SPATA2: variants seen among roughly 807,000 people sequenced by gnomAD.
The protein encoded by SPATA2 is spermatogenesis associated 2.
Under a neutral mutation model 35.4 loss-of-function variants are expected in SPATA2, and 8 were observed. The ratio of observed to expected loss-of-function variants is 0.23; its 90% CI spans 0.13 to 0.41. The LOEUF is 0.41. Among genes scored for constraint, SPATA2 ranks in the 10% least tolerant of loss-of-function variants. The probability of loss-of-function intolerance (pLI) is 1.00; values close to 1 mark genes in which losing one functional copy is unlikely to be tolerated. For synonymous variants in SPATA2, 293 were observed against 300.9 expected (o/e 0.97, Z 0.27); for missense variants, 650 against 698.7 (o/e 0.93, Z 0.79).
chr20:49,914,078 A>G (rs1230768707), intron 1 of SPATA2, among the ~76,000 whole-genome samples: 1 of 151,956 alleles, frequency 6.6e-6, no homozygotes, highest in African/African-American at 2.4e-5. Flanking sequence ...AGCACTGTGA[A>G]TATCCTGAAC....
chr20:49,905,753 T>C lies in SPATA2; in HGVS notation c.1429A>G (p.Lys477Glu). 5 of 1,614,248 alleles carry C rather than the reference T, an allele frequency of 3.1e-6. No homozygotes were observed. The highest frequency in any genetic ancestry group is 1.3e-5 in the African/African-American group (1 of 75,064). The change falls in exon 3 of 3, where the codon AAA becomes GAA. Residue 477 changes from lysine (K) to glutamate (E), a missense_variant. By Grantham distance (56) the Lys-to-Glu change is moderately conservative (BLOSUM62 1). Coordinates refer to ENST00000289431, the MANE Select transcript of SPATA2 (RefSeq NM_006038.4). ...GATNTCTQCS[K>E]VSCDACLSAY... is the part of the protein sequence containing the mutation. The stretch of plus-strand genomic sequence containing the variant: ...CTGAGGCAGGCGTCACATGAGACTT[T>C]TGAACACTGGGTGCAGGTGTTGGTG...
At position 49,906,610 on chromosome 20, in the gene SPATA2, A is replaced by T. The variant is rs760889235; in HGVS notation, c.572T>A (p.Leu191Gln). ...SQVKDKGYSE[L>Q]DIVSERKSSA... ...GCTCTTGCGCTCGCTCACAATGTCC[A>T]GCTCGGAGTAGCCCTTGTCCTTCAC... is the stretch of plus-strand genomic sequence containing the variant. Residue 191 changes from leucine (L) to glutamine (Q), a missense_variant, in exon 3 of 3, where the codon CTG becomes CAG. By Grantham distance (113) the Leu-to-Gln change is moderately radical. Coordinates refer to ENST00000289431, the MANE Select transcript of SPATA2 (RefSeq NM_006038.4). The surrounding 1 kb of genome is among the most constrained non-coding windows in gnomAD (Gnocchi z 8.2). 1.2e-6 allele frequency: 2 copies of T among 1,614,228 alleles called. No homozygotes were observed. The highest frequency in any genetic ancestry group is 1.7e-6 in the Non-Finnish European group (2 of 1,180,036).
rs1483886258 is a variant in SPATA2 at position 49,906,953 on chromosome 20, G to A, written c.337-108C>T. On this transcript the variant is annotated intron_variant, in intron 2 of 2. Coordinates refer to ENST00000289431, the MANE Select transcript of SPATA2 (RefSeq NM_006038.4). This position sits in a 1 kb window ranked among gnomAD's most constrained non-coding sequence, Gnocchi z 8.2. ...CAGCTCTGAAGTGGGGCGGCGGGGA[G>A]AGGGCAGGGCAGGGAAGGATCTCGA... is the stretch of plus-strand genomic sequence containing the variant. The A allele has an allele frequency of 9.4e-6, 12 of 1,270,192 alleles. No individual in the cohort carries two copies. The highest frequency in any genetic ancestry group is 7.6e-6 in the Non-Finnish European group (7 of 924,336). 78.7% of individuals were successfully genotyped at this position (1,270,192 alleles called of 1,614,324 possible). A position where few individuals can be genotyped will look rare whatever the true frequency, so the allele number is the denominator to read the frequency against.
chr20:49,912,401 G>A (rs1487278429), intron 1 of SPATA2, among the ~76,000 whole-genome samples: 1 of 152,200 alleles, frequency 6.6e-6, no homozygotes, highest in Admixed American at 6.5e-5. Context: ...AGCTGAGATC[G>A]TGCCATTGCA....
At position 49,904,580 on chromosome 20, in the gene SPATA2, C is replaced by T. The variant is rs1311390780; in HGVS notation, c.*1039G>A. 6.6e-6 allele frequency: 1 copy of T among 152,634 alleles called. No homozygotes were observed. The highest frequency in any genetic ancestry group is 1.5e-5 in the Non-Finnish European group (1 of 68,066). 9.5% of individuals were successfully genotyped at this position (152,634 alleles called of 1,614,324 possible). On this transcript the variant is annotated 3_prime_UTR_variant, in exon 3 of 3. Transcript: ENST00000289431. ...ACAGACCTCGACACCCGCGCTCACC[C>T]CCTAAGTGCACACTGGAGGTAGGTG... is the stretch of plus-strand genomic sequence containing the variant.
chr20:49,914,920 T>C (rs1248306392), intron 1 of SPATA2, among the ~76,000 whole-genome samples: 1 of 152,148 alleles, frequency 6.6e-6, no homozygotes, highest in Non-Finnish European at 1.5e-5. Flanking sequence ...CCCTGCATGA[T>C]CTCATTCCAT....
At position 49,905,237 on chromosome 20, in the gene SPATA2, A is replaced by G; in HGVS notation, c.*382T>C. ...GACCTGAAGGGCCCTTCCCAGTCCA[A>G]GTTGGCTTTGCAATGGGAGGGGTAG... On this transcript the variant is annotated 3_prime_UTR_variant, in exon 3 of 3. Coordinates refer to ENST00000289431, the MANE Select transcript of SPATA2 (RefSeq NM_006038.4). 5.1e-6 allele frequency: 1 copy of G among 195,572 alleles called. No homozygotes were observed. Among genetic ancestry groups the G allele is most frequent in the Non-Finnish European group, 1.1e-5 (1 of 93,838 alleles). 12.1% of individuals were successfully genotyped at this position (195,572 alleles called of 1,614,324 possible).
rs764857533 is a variant in SPATA2, at chr20:49,906,368, A to G, written c.814T>C (p.Leu272=). 3.7e-6 allele frequency: 6 copies of G among 1,613,908 alleles called. No individual in the cohort carries two copies. Among genetic ancestry groups the G allele is most frequent in the Non-Finnish European group, 4.2e-6 (5 of 1,179,950 alleles). The change falls in exon 3 of 3, where the codon TTG becomes CTG. Residue 272 remains leucine (L), a synonymous_variant. Transcript: ENST00000289431. This position sits in a 1 kb window ranked among gnomAD's most constrained non-coding sequence, Gnocchi z 8.2. The part of the protein sequence containing the change: ...ESRKPPLKAS[L]SLRKEPVATD... ...GCCACAGGCTCCTTCCGAAGACTCA[A>G]TGAGGCCTTCAGGGGTGGCTTCCGG...
At chr20:49,914,045 A>C (rs1002402397) in intron 1 of SPATA2, among the ~76,000 whole-genome samples, 1 of 151,896 alleles carries the variant, frequency 6.6e-6, no homozygotes, top group Non-Finnish European at 1.5e-5. Context: ...AAAAAAAAAA[A>C]AAAACCCAAA....
chr20:49,906,232 G>T lies in SPATA2; in HGVS notation c.950C>A (p.Pro317His). ...GSPDVLPPAS[P>H]SNGPALLRGT... Reference sequence around the variant, plus strand: ...GCGCAGCAGGGCCGGGCCGTTGCTGGGGGAGGCGGGTGGAAGCACATCCGG... The same window carrying T: ...GCGCAGCAGGGCCGGGCCGTTGCTGTGGGAGGCGGGTGGAAGCACATCCGG... Residue 317 changes from proline (P) to histidine (H), a missense_variant, in exon 3 of 3, where the codon CCC (proline) becomes CAC (histidine). Pro to His is a moderately conservative substitution (Grantham distance 77, BLOSUM62 -2). Transcript: ENST00000289431. The surrounding 1 kb of genome is among the most constrained non-coding windows in gnomAD (Gnocchi z 8.2). 5 of 1,568,616 alleles carry T rather than the reference G, an allele frequency of 3.2e-6. No homozygotes were observed. Among genetic ancestry groups the T allele is most frequent in the Non-Finnish European group, 4.3e-6 (5 of 1,155,758 alleles).
chr20:49,912,050 G>C (rs1490675499), intron 1 of SPATA2, among the ~76,000 whole-genome samples: 1 of 152,218 alleles, frequency 6.6e-6, no homozygotes, highest in Non-Finnish European at 1.5e-5. Context: ...CCTGCCTGCA[G>C]CTCTAGCTGG....
rs2090123977 is a variant in SPATA2 at position 49,903,930 on chromosome 20, T to TAG, written c.*1688_*1689insCT. 7.7e-6 allele frequency: 1 copy of TAG among 130,002 alleles called. No individual in the cohort carries two copies. Among genetic ancestry groups the TAG allele is most frequent in the Non-Finnish European group, 1.6e-5 (1 of 61,108 alleles). 8.1% of individuals were successfully genotyped at this position (130,002 alleles called of 1,614,324 possible). ...ATATATATATATATATATATATATA[T>TAG]ATATATATATATATATATATATTAA... On this transcript the variant is annotated 3_prime_UTR_variant, in exon 3 of 3. Transcript: ENST00000289431.
intron 1 of SPATA2, among the ~76,000 whole-genome samples, chr20:49,914,035 A>G (rs1367797329): frequency 1.3e-5 from 2 of 150,436 alleles, no homozygotes; most frequent in South Asian, 2.1e-4. Context: ...TGGTGGAAAA[A>G]AAAAAAAAAA....
At chr20:49,910,343 T>C (rs2090176021) in intron 1 of SPATA2, among the ~76,000 whole-genome samples, 1 of 152,172 alleles carries the variant, frequency 6.6e-6, no homozygotes, top group African/African-American at 2.4e-5. Context: ...CATGATGGAA[T>C]ATGAAGCTGC....
Position 49,906,941 on chromosome 20 carries a change from G to A in SPATA2, c.337-96C>T. 7.2e-7 allele frequency: 1 copy of A among 1,390,654 alleles called. No individual in the cohort carries two copies. Among genetic ancestry groups the A allele is most frequent in the Non-Finnish European group, 9.7e-7 (1 of 1,027,842 alleles). 86.1% of individuals were successfully genotyped at this position (1,390,654 alleles called of 1,614,324 possible). ...GCAAAGGATGTCCAGCTCTGAAGTG[G>A]GGCGGCGGGGAGAGGGCAGGGCAGG... On this transcript the variant is annotated intron_variant, in intron 2 of 2. Coordinates refer to ENST00000289431, the MANE Select transcript of SPATA2 (RefSeq NM_006038.4). The surrounding 1 kb of genome is among the most constrained non-coding windows in gnomAD (Gnocchi z 8.2).
Position 49,906,447 on chromosome 20 carries a change from G to A in SPATA2, c.735C>T (p.Pro245=), listed in dbSNP as rs768729507. 2.5e-6 allele frequency: 4 copies of A among 1,611,870 alleles called. No homozygotes were observed. Among genetic ancestry groups the A allele is most frequent in the African/African-American group, 1.3e-5 (1 of 74,926 alleles). Residue 245 remains proline, a synonymous_variant, in exon 3 of 3, where the codon CCC becomes CCT. Transcript: ENST00000289431. This position sits in a 1 kb window ranked among gnomAD's most constrained non-coding sequence, Gnocchi z 8.2. ...CTGACCTCGAGGGCTTGGTCACGCG[G>A]GGCTTGTAGTAGTCCTTGGCCGCCC... ...SERAAKDYYK[P]RVTKPSRSVD... is the part of the protein sequence containing the mutation.
At chr20:49,907,430 T>C (rs764455600) in intron 2 of SPATA2, among the ~76,000 whole-genome samples, 8 of 152,168 alleles carry the variant, frequency 5.3e-5, no homozygotes, top group Non-Finnish European at 1.2e-4. Context: ...CTACTCCATA[T>C]GAAGAGAGAG....
Position 49,908,219 on chromosome 20 carries a change from A to G in SPATA2, c.272T>C (p.Met91Thr), listed in dbSNP as rs1297549611. 6.2e-7 allele frequency: 1 copy of G among 1,613,970 alleles called. No homozygotes were observed. Among genetic ancestry groups the G allele is most frequent in the Admixed American group, 1.7e-5 (1 of 60,030 alleles). ...SLRALHGAFS[M>T]LETVGINLFL... Reference sequence around the variant, plus strand: ...GAGGTTGATGCCCACCGTCTCCAGCATGCTGAAGGCGCCGTGCAGAGCCCG... The same window carrying G: ...GAGGTTGATGCCCACCGTCTCCAGCGTGCTGAAGGCGCCGTGCAGAGCCCG... Residue 91 changes from methionine to threonine, a missense_variant, in exon 2 of 3, where the codon ATG becomes ACG. Met to Thr is a moderately conservative substitution (Grantham distance 81). Coordinates refer to ENST00000289431, the MANE Select transcript of SPATA2 (RefSeq NM_006038.4).
chr20:49,909,714 C>A (rs2090172161), intron 1 of SPATA2, among the ~76,000 whole-genome samples: 1 of 152,290 alleles, frequency 6.6e-6, no homozygotes, highest in South Asian at 2.1e-4. Context: ...AGAACTGCAG[C>A]CAGTGAGGCC....
Sources: gnomAD v4.1 joint callset for allele counts (sites outside exome capture counted in the v4.1 genomes callset) on GRCh38, gnomAD v4.1.1 for gene constraint, Gnocchi (gnomAD v3.1) non-coding constraint, MANE v1.5 for transcripts, NCBI Gene and HGNC (gene_info 2026-07-23, HGNC 2026-07-21) for gene names.